RNF14: variants seen among roughly 807,000 people sequenced by gnomAD.
The protein encoded by RNF14 is ring finger protein 14.
In RNF14, 26 loss-of-function variants were observed where a neutral mutation model predicts 52.6. The ratio of observed to expected loss-of-function variants is 0.49; its 90% confidence interval spans 0.36 to 0.69. The LOEUF is 0.69. RNF14 is among the 30% of genes least tolerant of loss of function. The pLI is 0.00. For synonymous variants in RNF14, 194 were observed against 202.0 expected (o/e 0.96, Z 0.34); for missense variants, 404 against 560.4 (o/e 0.72, Z 2.82).
At chr5:141,985,892 T>C (rs549778687) in intron 8 of RNF14, among the ~76,000 whole-genome samples, 1 of 152,350 alleles carries the variant, frequency 6.6e-6, no homozygotes, top group South Asian at 2.1e-4. Flanking sequence ...AGTTATCTTA[T>C]ATAACGTCTT....
upstream of RNF14, chr5:141,957,230 A>G: frequency 6.2e-7 from 1 of 1,614,146 alleles, no homozygotes; most frequent in Non-Finnish European, 8.5e-7. The surrounding 1 kb of genome is among the most constrained non-coding windows in gnomAD (Gnocchi z 4.3). Flanking sequence ...TCAAAAAATG[A>G]ATGGATTTCC....
the RNF14 span, chr5:141,949,462 C>T: frequency 6.2e-7 from 1 of 1,614,038 alleles, no homozygotes; most frequent in Non-Finnish European, 8.5e-7. Context: ...CTTGACAGCT[C>T]TTCTTCTAGC....
chr5:141,950,869 A>G, the RNF14 span, among the ~76,000 whole-genome samples: 8 of 152,178 alleles, frequency 5.3e-5, no homozygotes, highest in Non-Finnish European at 1.0e-4. Context: ...CTTAGAATAC[A>G]ATTGATTATG....
chr5:141,949,372 T>G, the RNF14 span: 1 of 1,547,532 alleles, frequency 6.5e-7, no homozygotes, highest in Non-Finnish European at 8.7e-7. Flanking sequence ...GGAGCAGAAC[T>G]CTGAAGCTTG....
intron 1 of RNF14, among the ~76,000 whole-genome samples, chr5:141,960,186 G>A (rs1434135449): frequency 6.6e-6 from 1 of 152,274 alleles, no homozygotes; most frequent in African/African-American, 2.4e-5. Context: ...CAGCCCACGT[G>A]ACAGTCTCAC....
upstream of RNF14, chr5:141,957,029 G>A (rs1425386155): frequency 6.2e-7 from 1 of 1,614,146 alleles, no homozygotes; most frequent in Non-Finnish European, 8.5e-7. This position sits in a 1 kb window ranked among gnomAD's most constrained non-coding sequence, Gnocchi z 4.3. Flanking sequence ...TCCCCATTGG[G>A]GCCTTGGTCA....
chr5:141,951,671 G>A, the RNF14 span: 2 of 1,020,376 alleles, frequency 2.0e-6, no homozygotes, highest in Middle Eastern at 4.0e-4. Context: ...CTCAATGCCG[G>A]TGCTTTCTTT....
At position 141,970,684 on chromosome 5, in the gene RNF14, T is replaced by G. The variant is rs1357223707; in HGVS notation, c.-180-20T>G. The G allele has an allele frequency of 6.6e-6, 1 of 152,324 alleles. No individual in the cohort carries two copies. Among genetic ancestry groups the G allele is most frequent in the Non-Finnish European group, 1.5e-5 (1 of 68,038 alleles). The allele number at this position is 152,324 out of a possible 1,614,324, so 9.4% of individuals were successfully genotyped here. ...TTTGGAGAGGGTCCTAACACCATCT[T>G]TTGTATTTCTTTTCTGCAGATGGCA... On this transcript the variant is annotated intron_variant, in intron 1 of 8. Transcript: ENST00000394520.
chr5:141,984,759 C>G (rs1015253489), intron 7 of RNF14, 44 bp from the exon 8 acceptor site: 1 of 1,604,154 alleles, frequency 6.2e-7, no homozygotes. Flanking sequence ...GTCTCTTCTG[C>G]TTTTACAGCC....
chr5:141,951,645 CT>C, the RNF14 span: 1 of 1,274,052 alleles, frequency 7.8e-7, no homozygotes, highest in Non-Finnish European at 1.1e-6. Flanking sequence ...AGCACACTTC[CT>C]CGCCGGATGT....
upstream of RNF14, among the ~76,000 whole-genome samples, chr5:141,968,153 G>T (rs183967243): frequency 7.1e-6 from 1 of 140,032 alleles, no homozygotes; most frequent in East Asian, 2.1e-4. Flanking sequence ...GAGTCTCGCT[G>T]TTACCTAGGC....
chr5:141,952,008 A>T, the RNF14 span, among the ~76,000 whole-genome samples: 1 of 152,376 alleles, frequency 6.6e-6, no homozygotes, highest in East Asian at 1.9e-4. Context: ...TGTTGACCAG[A>T]TGTAAGACTA....
In RNF14 at chr5:141,978,806, C is replaced by T; in HGVS notation, c.810C>T (p.Cys270=). The change falls in exon 5 of 9, where the codon TGC becomes TGT. Residue 270 remains cysteine (C), a synonymous_variant. Coordinates refer to ENST00000394520, the MANE Select transcript of RNF14 (RefSeq NM_004290.5). The stretch of plus-strand genomic sequence containing the variant: ...GCCTCAACTGCCCAGAACCAAAGTG[C>T]CCTTCGGTGGCCACTCCTGGTCAGG... ...VQCLNCPEPK[C]PSVATPGQVK... The T allele has an allele frequency of 6.2e-7, 1 of 1,613,806 alleles. No individual in the cohort carries two copies. The highest frequency in any genetic ancestry group is 1.1e-5 in the South Asian group (1 of 91,078).
chr5:141,968,762 T>A (rs932115420), upstream of RNF14: 3 of 152,260 alleles, frequency 2.0e-5, no homozygotes, highest in African/African-American at 2.4e-5. Flanking sequence ...CCGGCAGCAT[T>A]TCTGAGAAGG....
At chr5:141,955,038 C>T (rs372052882), upstream of RNF14, 9 of 1,614,148 alleles carry the variant, frequency 5.6e-6, no homozygotes, top group African/African-American at 1.2e-4. This position sits in a 1 kb window ranked among gnomAD's most constrained non-coding sequence, Gnocchi z 5.5. Flanking sequence ...CAGCCACAGA[C>T]AGCCGGACCA....
chr5:141,977,548 A>G (rs1368027504), intron 4 of RNF14, among the ~76,000 whole-genome samples: 1 of 152,242 alleles, frequency 6.6e-6, no homozygotes, highest in East Asian at 1.9e-4. Context: ...AATTGAACAG[A>G]CCACTTTTAA....
At chr5:141,971,259 T>G (rs1030017631) in intron 2 of RNF14, among the ~76,000 whole-genome samples, 1 of 152,274 alleles carries the variant, frequency 6.6e-6, no homozygotes, top group African/African-American at 2.4e-5. Flanking sequence ...CTTTATTTTT[T>G]GAGACAAGGT....
upstream of RNF14, chr5:141,957,380 T>C: frequency 6.2e-7 from 1 of 1,613,812 alleles, no homozygotes; most frequent in Non-Finnish European, 8.5e-7. This position sits in a 1 kb window ranked among gnomAD's most constrained non-coding sequence, Gnocchi z 4.3. Flanking sequence ...TCAAGAGCTC[T>C]GTCCAGGGGG....
intron 6 of RNF14, among the ~76,000 whole-genome samples, chr5:141,980,723 A>G (rs1437251848): frequency 1.3e-5 from 2 of 152,164 alleles, no homozygotes; most frequent in Admixed American, 6.5e-5. Flanking sequence ...TTAAGTAAGG[A>G]CTTGAAGGAG....
Sources: allele counts gnomAD v4.1 joint callset (sites outside exome capture counted in the v4.1 genomes callset), GRCh38; gene constraint gnomAD v4.1.1; non-coding constraint Gnocchi (gnomAD v3.1); transcripts MANE v1.5; gene names NCBI Gene and HGNC (gene_info 2026-07-23, HGNC 2026-07-21).